Variants in ST7L observed in about 807,000 individuals in gnomAD.
The protein encoded by ST7L is suppression of tumorigenicity 7 like, also known as suppressor of tumorigenicity 7 protein-like.
A neutral mutation model predicts 72.5 loss-of-function variants in ST7L; 57 were observed. That is an observed-to-expected ratio of 0.79 (90% CI 0.64 to 0.98). ST7L has a LOEUF of 0.98. Ranked by LOEUF, ST7L falls within the 50% of genes least tolerant of loss-of-function variation. The probability of loss-of-function intolerance (pLI) is 0.00; values close to 1 mark genes in which losing one functional copy is unlikely to be tolerated. For missense variants in ST7L, 576 were observed against 672.2 expected (o/e 0.86, Z 1.58); for synonymous variants, 221 against 240.9 (o/e 0.92, Z 0.77).
intron 12 of ST7L, among the ~76,000 whole-genome samples, chr1:112,553,139 T>C (rs1487839038): frequency 6.6e-6 from 1 of 152,130 alleles, no homozygotes; most frequent in East Asian, 1.9e-4. Flanking sequence ...GAGGAGCTTA[T>C]GGACTACTGG....
At chr1:112,562,381 AAATG>A (rs1230057767) in intron 11 of ST7L, among the ~76,000 whole-genome samples, 3 of 152,026 alleles carry the variant, frequency 2.0e-5, no homozygotes, top group Non-Finnish European at 4.4e-5. Context: ...GTTGGACATT[AAATG>A]ATAAGTAAGA....
rs1194862924 is a variant in ST7L, at chr1:112,524,978, A to G, written c.*1035T>C. On this transcript the variant is annotated 3_prime_UTR_variant, in exon 15 of 15. Transcript: ENST00000358039. ...GCAACTCTTTGGTTTGGGGACCAGA[A>G]CTCCTCTGGTGGGTGGTTGGGGGAA... 6.6e-6 allele frequency: 1 copy of G among 152,206 alleles called. No homozygotes were observed. The highest frequency in any genetic ancestry group is 2.4e-5 in the African/African-American group (1 of 41,406). The allele number at this position is 152,206 out of a possible 1,614,324, so 9.4% of individuals were successfully genotyped here. A position where few individuals can be genotyped will look rare whatever the true frequency, so the allele number is the denominator to read the frequency against.
At chr1:112,523,512 AAT>A (rs2101111206) in exon 15 of ST7L, 1 of 152,270 alleles carries the variant, frequency 6.6e-6, no homozygotes, top group East Asian at 1.9e-4. Context: ...AATAGACACT[AAT>A]TTATTTGGAA....
chr1:112,619,409 C>G (rs1462219375), upstream of ST7L: 3 of 538,422 alleles, frequency 5.6e-6, no homozygotes, highest in South Asian at 2.7e-5. Flanking sequence ...TTCACACCGC[C>G]CCCCCCCCGG....
chr1:112,574,962 G>A (rs537454256), intron 11 of ST7L, among the ~76,000 whole-genome samples: 4 of 152,156 alleles, frequency 2.6e-5, no homozygotes, highest in Non-Finnish European at 5.9e-5. Context: ...TACAAGGCTG[G>A]GCGCGGTGGC....
chr1:112,615,811 T>A (rs374003435), intron 2 of ST7L, among the ~76,000 whole-genome samples: 6 of 152,156 alleles, frequency 3.9e-5, no homozygotes, highest in African/African-American at 1.4e-4. Flanking sequence ...AAGATCTTGG[T>A]TCACTGTAAC....
intron 13 of ST7L, among the ~76,000 whole-genome samples, chr1:112,549,564 G>A (rs1434021768): frequency 6.6e-6 from 1 of 151,844 alleles, no homozygotes; most frequent in Non-Finnish European, 1.5e-5. Flanking sequence ...GATTGCTATT[G>A]TTTTCTAAAT....
chr1:112,567,558 T>C (rs1397980420), intron 11 of ST7L, among the ~76,000 whole-genome samples: 1 of 152,186 alleles, frequency 6.6e-6, no homozygotes, highest in African/African-American at 2.4e-5. Flanking sequence ...TTAGATGTTT[T>C]GGTCTAGATG....
At chr1:112,520,320 A>G (rs1396329528), downstream of ST7L, 4 of 1,614,078 alleles carry the variant, frequency 2.5e-6, no homozygotes, top group African/African-American at 2.7e-5. Flanking sequence ...GCAAGACATC[A>G]AAAGGAACAG....
At chr1:112,601,410 T>G (rs1667371269) in intron 3 of ST7L, among the ~76,000 whole-genome samples, 1 of 152,110 alleles carries the variant, frequency 6.6e-6, no homozygotes, top group Non-Finnish European at 1.5e-5. Flanking sequence ...CACACCCGGC[T>G]AATTTTTTGT....
intron 1 of ST7L, chr1:112,618,085 T>TC: frequency 7.7e-7 from 1 of 1,303,376 alleles, no homozygotes; most frequent in Non-Finnish European, 1.0e-6. Flanking sequence ...CCATACTGAA[T>TC]CATGTAATGG....
At chr1:112,533,128 T>C (rs764086516) in intron 14 of ST7L, among the ~76,000 whole-genome samples, 1 of 152,174 alleles carries the variant, frequency 6.6e-6, no homozygotes, top group Admixed American at 6.5e-5. Context: ...CTCTGAATCA[T>C]TACAAACCAG....
chr1:112,583,149 A>G (rs1264411684), intron 7 of ST7L, among the ~76,000 whole-genome samples: 1 of 152,218 alleles, frequency 6.6e-6, no homozygotes, highest in South Asian at 2.1e-4. Context: ...GAAACATACC[A>G]TATATATCTG....
chr1:112,610,695 C>T, intron 3 of ST7L, 146 bp downstream of exon 3: 1 of 990,248 alleles, frequency 1.0e-6, no homozygotes, highest in Non-Finnish European at 1.5e-6. Context: ...AAGACCCTAC[C>T]TCGTAACATC....
At chr1:112,560,605 A>G (rs1485874829) in intron 11 of ST7L, among the ~76,000 whole-genome samples, 1 of 152,174 alleles carries the variant, frequency 6.6e-6, no homozygotes, top group Admixed American at 6.5e-5. Flanking sequence ...TTATTACACT[A>G]TAAAAACCAT....
intron 14 of ST7L, among the ~76,000 whole-genome samples, chr1:112,541,127 A>C (rs1212049824): frequency 6.6e-6 from 1 of 152,116 alleles, no homozygotes; most frequent in East Asian, 1.9e-4. Context: ...TCTACAAAAA[A>C]TACAAACATT....
At chr1:112,545,372 G>C (rs569826904) in intron 13 of ST7L, among the ~76,000 whole-genome samples, 1 of 152,202 alleles carries the variant, frequency 6.6e-6, no homozygotes, top group South Asian at 2.1e-4. Context: ...CCTTATATTA[G>C]ACAACCTTTG....
intron 12 of ST7L, among the ~76,000 whole-genome samples, chr1:112,552,468 G>A (rs546047672): frequency 1.1e-4 from 17 of 152,156 alleles, no homozygotes; most frequent in African/African-American, 3.4e-4. Context: ...ACAATGGTGC[G>A]ATCTCGGCTC....
chr1:112,541,758 T>C, intron 14 of ST7L, 193 bp downstream of exon 14: 1 of 1,298,132 alleles, frequency 7.7e-7, no homozygotes, highest in Non-Finnish European at 9.8e-7. Flanking sequence ...TTTAAACTTT[T>C]AAGCAACAGA....
Sources: gnomAD v4.1 joint callset for allele counts (sites outside exome capture counted in the v4.1 genomes callset) on GRCh38, gnomAD v4.1.1 for gene constraint, MANE v1.5 for transcripts, NCBI Gene and HGNC (gene_info 2026-07-23, HGNC 2026-07-21) for gene names.